Variants in GARNL3 observed in about 807,000 individuals in gnomAD.
GARNL3 encodes GTPase activating Rap/RanGAP domain like 3, also known as GTPase-activating Rap/Ran-GAP domain-like protein 3.
A neutral mutation model predicts 125.0 loss-of-function variants in GARNL3; 63 were observed. That is an observed-to-expected ratio of 0.50 (90% confidence interval 0.41 to 0.62). The LOEUF (loss-of-function observed/expected upper bound fraction) is 0.62. Ranked by LOEUF, GARNL3 falls within the 20% of genes least tolerant of loss-of-function variation. The probability of loss-of-function intolerance (pLI) is 0.00; values close to 1 mark genes in which losing one functional copy is unlikely to be tolerated. For missense variants in GARNL3, 994 were observed against 1,244.0 expected, an observed-to-expected ratio of 0.80 and a Z score of 3.02; for synonymous variants, 439 against 457.5, an observed-to-expected ratio of 0.96 and a Z score of 0.52.
intron 3 of GARNL3, among the ~76,000 whole-genome samples, chr9:127,312,460 C>A (rs2065122281): frequency 6.6e-6 from 1 of 150,868 alleles, no homozygotes; most frequent in Non-Finnish European, 1.5e-5. Flanking sequence ...CTGGCACATA[C>A]CAACAGCTCA....
At chr9:127,356,822 T>A (rs752654746) in intron 20 of GARNL3, among the ~76,000 whole-genome samples, 4 of 152,168 alleles carry the variant, frequency 2.6e-5, no homozygotes, top group Non-Finnish European at 5.9e-5. Flanking sequence ...GTACCTACCT[T>A]ATAAGTAGGA....
At chr9:127,281,238 A>T (rs1429096900) in intron 1 of GARNL3, among the ~76,000 whole-genome samples, 1 of 152,032 alleles carries the variant, frequency 6.6e-6, no homozygotes, top group East Asian at 1.9e-4. Context: ...GAAGGAGAGG[A>T]TGCTGTTGGA....
At chr9:127,336,436 T>A (rs1829559552) in intron 11 of GARNL3, among the ~76,000 whole-genome samples, 200 bp downstream of exon 11, 1 of 152,232 alleles carries the variant, frequency 6.6e-6, no homozygotes. Flanking sequence ...GATGGATTAA[T>A]TCTCAGAGAA....
chr9:127,225,833 C>T (rs1438416849), intron 1 of GARNL3, among the ~76,000 whole-genome samples: 13 of 45,072 alleles, frequency 2.9e-4, no homozygotes, highest in Admixed American at 8.9e-4. Context: ...TTGCGCCCCT[C>T]GCGCCCCTTG....
Position 127,390,832 on chromosome 9 carries a change from G to A in GARNL3, c.2870+65G>A, listed in dbSNP as rs79145013. ...TATGAGTCACAGCACTGCCCAGGAG[G>A]CCCCTTCTGGGGATTGATAATGCCA... On this transcript the variant is annotated intron_variant, in intron 27 of 27. Coordinates refer to ENST00000373387, the MANE Select transcript of GARNL3 (RefSeq NM_032293.5). The A allele has an allele frequency of 4.3e-4, 656 of 1,519,976 alleles. 2 individuals carry two copies. In the African/African-American group the frequency reaches 8.5e-3, roughly 20 times the overall value. 94.2% of individuals were successfully genotyped at this position (1,519,976 alleles called of 1,614,324 possible).
intron 22 of GARNL3, among the ~76,000 whole-genome samples, chr9:127,381,036 G>A (rs1056765260): frequency 1.3e-4 from 20 of 152,122 alleles, no homozygotes; most frequent in East Asian, 3.9e-4. Flanking sequence ...GCGCCACCAC[G>A]CCCAGCTGAT....
intron 22 of GARNL3, among the ~76,000 whole-genome samples, chr9:127,382,323 A>G (rs1832307793): frequency 6.6e-6 from 1 of 152,056 alleles, no homozygotes. Flanking sequence ...AATAATAATA[A>G]TAACTCCATC....
chr9:127,371,658 T>C (rs1180533663), intron 22 of GARNL3, among the ~76,000 whole-genome samples: 1 of 152,238 alleles, frequency 6.6e-6, no homozygotes, highest in Non-Finnish European at 1.5e-5. Flanking sequence ...ATTCAAGATT[T>C]TCAATGTCAT....
intron 13 of GARNL3, among the ~76,000 whole-genome samples, chr9:127,340,198 G>A (rs573935166): frequency 6.6e-6 from 1 of 152,166 alleles, no homozygotes; most frequent in Admixed American, 6.5e-5. Context: ...ATGCACATGT[G>A]TGGGAAAGAG....
At position 127,357,364 on chromosome 9, in the gene GARNL3, T is replaced by C. The variant is rs1279558297; in HGVS notation, c.2081T>C (p.Val694Ala). ...STGEAFRLHH[V>A]EANRVNFVAA... ...GGAGAAGCCTTCAGGCTGCACCACGTGGAGGCCAACAGGGTAAGCCAGCGG... is the reference window on the plus strand; with the variant it reads ...GGAGAAGCCTTCAGGCTGCACCACGCGGAGGCCAACAGGGTAAGCCAGCGG... The change falls in exon 21 of 28, where the codon GTG (valine) becomes GCG (alanine). Residue 694 changes from valine (V) to alanine (A), a missense_variant. Val to Ala is a moderately conservative substitution (Grantham distance 64, BLOSUM62 0). Around this residue, in one of 5 missense-constraint regions of GARNL3, gnomAD observed 728 missense variants for 865.7 expected, o/e 0.84. Transcript: ENST00000373387. The C allele has an allele frequency of 6.2e-7, 1 of 1,613,864 alleles. No homozygotes were observed. Among genetic ancestry groups the C allele is most frequent in the Admixed American group, 1.7e-5 (1 of 60,030 alleles).
intron 7 of GARNL3, among the ~76,000 whole-genome samples, chr9:127,329,434 C>T (rs975798653): frequency 3.3e-5 from 5 of 152,116 alleles, no homozygotes; most frequent in Non-Finnish European, 5.9e-5. Context: ...TTAAAAGACC[C>T]CCATCATGCA....
intron 6 of GARNL3, among the ~76,000 whole-genome samples, 189 bp from the exon 7 acceptor site, chr9:127,324,880 T>C (rs2065519673): frequency 6.6e-6 from 1 of 152,222 alleles, no homozygotes; most frequent in Non-Finnish European, 1.5e-5. Flanking sequence ...GGGAAAAAGA[T>C]CCAAGACTCG....
chr9:127,271,996 A>G (rs75099587), intron 1 of GARNL3, among the ~76,000 whole-genome samples: 4,564 of 150,386 alleles, frequency 0.03, 648 homozygotes, highest in African/African-American at 0.11. Flanking sequence ...TCATGAACTC[A>G]GGGTAGCCTC....
intron 7 of GARNL3, among the ~76,000 whole-genome samples, chr9:127,326,678 C>G (rs1177668715): frequency 6.6e-6 from 1 of 152,054 alleles, no homozygotes; most frequent in Non-Finnish European, 1.5e-5. Flanking sequence ...ATGCTTGTGT[C>G]CCCCCAAAAT....
intron 2 of GARNL3, among the ~76,000 whole-genome samples, chr9:127,292,936 C>G (rs2131377186): frequency 6.6e-6 from 1 of 152,328 alleles, no homozygotes; most frequent in South Asian, 2.1e-4. Flanking sequence ...GGGGGAGTTA[C>G]TGATTTCACA....
chr9:127,273,903 T>C (rs145958995), intron 1 of GARNL3, among the ~76,000 whole-genome samples: 45 of 152,302 alleles, frequency 3.0e-4, no homozygotes, highest in African/African-American at 1.1e-3. Flanking sequence ...TTGTGGCTTA[T>C]CTCTAACAGT....
chr9:127,333,640 G>A (rs1829388847), intron 9 of GARNL3, among the ~76,000 whole-genome samples: 1 of 152,270 alleles, frequency 6.6e-6, no homozygotes, highest in East Asian at 1.9e-4. Flanking sequence ...AATAATTGGA[G>A]GGTCTCGAGG....
intron 1 of GARNL3, among the ~76,000 whole-genome samples, chr9:127,287,551 A>G (rs2064286754): frequency 6.6e-6 from 1 of 152,192 alleles, no homozygotes; most frequent in Admixed American, 6.5e-5. Context: ...ACTGGTCTTC[A>G]TCAGGCCCCA....
At chr9:127,346,197 T>C (rs1830131214) in intron 16 of GARNL3, among the ~76,000 whole-genome samples, 1 of 152,224 alleles carries the variant, frequency 6.6e-6, no homozygotes, top group African/African-American at 2.4e-5. Flanking sequence ...ATGAATATGA[T>C]TTTGTATTGT....
Sources: gnomAD v4.1 joint callset for allele counts (sites outside exome capture counted in the v4.1 genomes callset) on GRCh38, gnomAD v4.1.1 for gene constraint, gnomAD v4.1.1 regional missense constraint, MANE v1.5 for transcripts, NCBI Gene and HGNC (gene_info 2026-07-23, HGNC 2026-07-21) for gene names.